The following COL2A1 variants were observed in gnomAD, a reference collection of about 807,000 sequenced individuals.
COL2A1 encodes the protein collagen alpha-1(II) chain.
Under a neutral mutation model 204.5 loss-of-function variants are expected in COL2A1, and 28 were observed. The observed-to-expected ratio is 0.14, with a 90% CI of 0.10 to 0.19. COL2A1 has a LOEUF of 0.19. COL2A1 is among the 10% of genes least tolerant of loss of function. The probability of loss-of-function intolerance (pLI) is 1.00; values close to 1 mark genes in which losing one functional copy is unlikely to be tolerated. For synonymous variants in COL2A1, 708 were observed against 718.7 expected, an observed-to-expected ratio of 0.99 and a Z score of 0.24; for missense variants, 1,388 against 2,027.5, an observed-to-expected ratio of 0.68 and a Z score of 6.06.
intron 35 of COL2A1, 63 bp downstream of exon 35, chr12:47,982,044 G>A (rs1219280123): frequency 1.8e-5 from 27 of 1,540,426 alleles, no homozygotes; most frequent in Non-Finnish European, 2.3e-5. Flanking sequence ...CCTCTCTCCT[G>A]CTCTCCTGGG....
chr12:47,985,407 C>A (rs1207857589), intron 26 of COL2A1, 127 bp downstream of exon 26: 29 of 1,008,090 alleles, frequency 2.9e-5, no homozygotes, highest in Non-Finnish European at 3.4e-5. Context: ...TACCATCTAC[C>A]CCCTGTCACA....
chr12:47,981,944 C>G (rs1019441107), intron 35 of COL2A1, 115 bp from the exon 36 acceptor site: 1 of 1,300,358 alleles, frequency 7.7e-7, no homozygotes, highest in Admixed American at 1.7e-5. Flanking sequence ...CTCCCACTTA[C>G]CCTCTGGCCC....
At position 47,974,832 on chromosome 12, in the gene COL2A1, C is replaced by T; in HGVS notation, c.3917G>A (p.Cys1306Tyr). 1 of 1,614,208 alleles carries T rather than the reference C, an allele frequency of 6.2e-7. No homozygotes were observed. The highest frequency in any genetic ancestry group is 8.5e-7 in the Non-Finnish European group (1 of 1,180,010). ...GDYWIDPNQG[C>Y]TLDAMKVFCN... Reference sequence around the variant, plus strand: ...GAAAACCTTCATGGCGTCCAAGGTGCAGCCTTGGTTGGGGTCAATCCAGTA... The same window carrying T: ...GAAAACCTTCATGGCGTCCAAGGTGTAGCCTTGGTTGGGGTCAATCCAGTA... The change falls in exon 52 of 54, where the codon TGC (cysteine) becomes TAC (tyrosine). Residue 1306 changes from cysteine to tyrosine, a missense_variant. Cys to Tyr is a radical substitution (Grantham distance 194). This residue lies in a region of COL2A1 where 303 missense variants were observed against 369.2 expected (regional missense o/e 0.82). Transcript: ENST00000380518.
chr12:47,996,683 GCTAGGTAAGCTC>G, intron 7 of COL2A1, 58 bp from the exon 8 acceptor site: 1 of 1,355,446 alleles, frequency 7.4e-7, no homozygotes, highest in Admixed American at 1.7e-5. Context: ...TCCCTACTTG[GCTAGGTAAGCTC>G]TATATGGATA....
chr12:47,977,776 G>A (rs1938805542), intron 44 of COL2A1, 123 bp from the exon 45 acceptor site: 1 of 1,177,978 alleles, frequency 8.5e-7, no homozygotes. Flanking sequence ...ACACTTTGAA[G>A]CCAAAGTTTC....
intron 14 of COL2A1, 36 bp from the exon 15 acceptor site, chr12:47,993,538 C>T (rs760613488): frequency 6.2e-7 from 1 of 1,602,006 alleles, no homozygotes; most frequent in Non-Finnish European, 8.6e-7. Flanking sequence ...TGTCTGGGAC[C>T]CCATTCTTGG....
chr12:47,975,667 C>G, intron 50 of COL2A1, 62 bp from the exon 51 acceptor site: 1 of 1,552,166 alleles, frequency 6.4e-7, no homozygotes, highest in Admixed American at 1.8e-5. Flanking sequence ...ATGTCCATCC[C>G]CATTTGCTAG....
At chr12:47,984,962 T>A (rs1365676799) in intron 27 of COL2A1, 33 bp downstream of exon 27, 2 of 1,569,964 alleles carry the variant, frequency 1.3e-6, no homozygotes, top group South Asian at 2.2e-5. Flanking sequence ...TAGCACCACA[T>A]GGAAGGAAAT....
chr12:47,978,696 T>C lies in COL2A1; in HGVS notation c.2796A>G (p.Arg932=). The C allele has an allele frequency of 6.2e-7, 1 of 1,613,216 alleles. No individual in the cohort carries two copies. Among genetic ancestry groups the C allele is most frequent in the Non-Finnish European group, 8.5e-7 (1 of 1,179,992 alleles). ...CTCGGCCAGGGGGGCCGCTGTCTCC[T>C]CGAGCACCTTTGGGACCATCTTTTC... The part of the protein sequence containing the change: ...PSGKDGPKGA[R]GDSGPPGRAG... The change falls in exon 42 of 54, where the codon CGA becomes CGG. Residue 932 remains arginine, a synonymous_variant. Coordinates refer to ENST00000380518, the MANE Select transcript of COL2A1 (RefSeq NM_001844.5). This position sits in a 1 kb window ranked among gnomAD's most constrained non-coding sequence, Gnocchi z 5.5.
chr12:47,983,929 G>T, intron 29 of COL2A1, 158 bp downstream of exon 29: 2 of 926,678 alleles, frequency 2.2e-6, no homozygotes, highest in Non-Finnish European at 3.4e-6. Context: ...GGTCCACACA[G>T]CCTCCTGGGA....
At chr12:47,979,194 C>T (rs1592204166) in intron 41 of COL2A1, among the ~76,000 whole-genome samples, 1 of 152,098 alleles carries the variant, frequency 6.6e-6, no homozygotes, top group Non-Finnish European at 1.5e-5. Flanking sequence ...CCAGGACATG[C>T]GGACTTGCTT....
chr12:47,974,038 C>G (rs2136504433), intron 53 of COL2A1, 51 bp downstream of exon 53: 2 of 1,613,894 alleles, frequency 1.2e-6, no homozygotes, highest in South Asian at 2.2e-5. Flanking sequence ...CTCAGCCCTG[C>G]TCCAGGCGGT....
Position 47,974,074 on chromosome 12 carries a change from G to A in COL2A1, c.4317+15C>T, listed in dbSNP as rs1370882684. ...TTGGGCACAGGCAGCTCTTCTCTCT[G>A]GCAGCCCCACTCACCGTGCAGCCAT... On this transcript the variant is annotated intron_variant, in intron 53 of 53. Coordinates refer to ENST00000380518, the MANE Select transcript of COL2A1 (RefSeq NM_001844.5). 6.2e-7 allele frequency: 1 copy of A among 1,614,006 alleles called. No individual in the cohort carries two copies. Among genetic ancestry groups the A allele is most frequent in the African/African-American group, 1.3e-5 (1 of 74,906 alleles).
chr12:48,003,847 G>C (rs1311451236), intron 1 of COL2A1, among the ~76,000 whole-genome samples: 1 of 152,200 alleles, frequency 6.6e-6, no homozygotes, highest in Non-Finnish European at 1.5e-5. Flanking sequence ...GATGAGTTGA[G>C]ATCTGTTTTT....
rs766485093 is a variant in COL2A1, at chr12:47,992,892, G to A, written c.1009C>T (p.Pro337Ser). Reference sequence around the variant, plus strand: ...CAATTACTCACCGCAGCGCCAGCAGGGCCAGTCCGTCCTCTTTCACCAGGC... The same window carrying A: ...CAATTACTCACCGCAGCGCCAGCAGAGCCAGTCCGTCCTCTTTCACCAGGC... ...GLPGERGRTGPAGAAGARGND... is the reference protein window; with the variant it reads ...GLPGERGRTGSAGAAGARGND... Residue 337 changes from proline to serine, a missense_variant, in exon 16 of 54, where the codon CCT becomes TCT. By Grantham distance (74) the Pro-to-Ser change is moderately conservative. Around this residue, in one of 3 missense-constraint regions of COL2A1, gnomAD observed 884 missense variants for 1,415.8 expected, o/e 0.62. Coordinates refer to ENST00000380518, the MANE Select transcript of COL2A1 (RefSeq NM_001844.5). The A allele has an allele frequency of 1.9e-6, 3 of 1,614,170 alleles. No individual in the cohort carries two copies. The highest frequency in any genetic ancestry group is 1.7e-5 in the Admixed American group (1 of 60,018).
rs146604807 is a variant in COL2A1, at chr12:47,985,090, C to A, written c.1738G>T (p.Ala580Ser). The A allele has an allele frequency of 5.7e-5, 92 of 1,612,216 alleles. No individual in the cohort carries two copies. Among genetic ancestry groups the A allele is most frequent in the Middle Eastern group, 1.6e-4 (1 of 6,082 alleles). ...CCAGGACGACCATCTTCACCAGGGG[C>A]TCCCTGAAAGACAGAACACCATTCT... ...GPQGKVGPSG[A>S]PGEDGRPGPP... is the part of the protein sequence containing the mutation. The change falls in exon 27 of 54, where the codon GCC becomes TCC. Residue 580 changes from alanine (A) to serine (S), a missense_variant. Ala to Ser is a moderately conservative substitution (Grantham distance 99, BLOSUM62 1). Transcript: ENST00000380518.
chr12:47,979,565 CTG>C lies in COL2A1; in HGVS notation c.2680-3_2680-2del, dbSNP rs1208124865. 6.2e-7 allele frequency: 1 copy of C among 1,612,024 alleles called. No homozygotes were observed. Among genetic ancestry groups the C allele is most frequent in the East Asian group, 2.2e-5 (1 of 44,818 alleles). On this transcript the variant is annotated splice_acceptor_variant and splice_polypyrimidine_tract_variant and intron_variant, in intron 40 of 53. Coordinates refer to ENST00000380518, the MANE Select transcript of COL2A1 (RefSeq NM_001844.5). LOFTEE classifies it high-confidence loss of function. ...CAGCTCCAGGGAATCCAGTGGCTCCCTGTGTGGGGAGAGGAGAGCCCCTGAGA... is the reference window on the plus strand; with the variant it reads ...CAGCTCCAGGGAATCCAGTGGCTCCCTGTGGGGAGAGGAGAGCCCCTGAGA...
At chr12:47,998,370 T>A in intron 3 of COL2A1, 45 bp downstream of exon 3, 1 of 1,563,936 alleles carries the variant, frequency 6.4e-7, no homozygotes, top group Non-Finnish European at 8.8e-7. Context: ...GCAGAAAATA[T>A]AAAGCCAAAA....
intron 26 of COL2A1, 66 bp from the exon 27 acceptor site, chr12:47,985,159 C>T (rs761523124): frequency 1.3e-5 from 17 of 1,324,516 alleles, no homozygotes; most frequent in Non-Finnish European, 1.8e-5. Flanking sequence ...CCAACATCCA[C>T]TAAGGGCCTA....
Sources: allele counts gnomAD v4.1 joint callset (sites outside exome capture counted in the v4.1 genomes callset), GRCh38; gene constraint gnomAD v4.1.1; regional missense constraint gnomAD v4.1.1; non-coding constraint Gnocchi (gnomAD v3.1); transcripts MANE v1.5; gene names NCBI Gene and HGNC (gene_info 2026-07-23, HGNC 2026-07-21).